The following RALB variants were observed in gnomAD, a reference collection of about 807,000 sequenced individuals.
RALB encodes the protein RAS like proto-oncogene B.
In RALB, 16 loss-of-function variants were observed where a neutral mutation model predicts 21.3. The observed-to-expected ratio is 0.75, with a 90% CI of 0.51 to 1.14. RALB has a LOEUF of 1.14. RALB is among the 50% of genes most tolerant of loss of function. The probability of loss-of-function intolerance (pLI) is 0.00; values close to 1 mark genes in which losing one functional copy is unlikely to be tolerated. For synonymous variants in RALB, 93 were observed against 96.1 expected, an observed-to-expected ratio of 0.97 and a Z score of 0.19; for missense variants, 161 against 256.2, an observed-to-expected ratio of 0.63 and a Z score of 2.54.
chr2:120,256,647 C>T (rs149421085), intron 1 of RALB, among the ~76,000 whole-genome samples: 5,031 of 152,248 alleles, frequency 0.033, 120 homozygotes, highest in Non-Finnish European at 0.05. Flanking sequence ...CCCAGCCCTG[C>T]GGAACTGTGA....
intron 1 of RALB, among the ~76,000 whole-genome samples, chr2:120,272,987 C>G (rs1446000252): frequency 6.6e-6 from 1 of 152,208 alleles, no homozygotes. Context: ...ACAGTGGACT[C>G]TTTGTGGCTT....
At chr2:120,267,954 G>A (rs1427030868) in intron 1 of RALB, among the ~76,000 whole-genome samples, 1 of 152,078 alleles carries the variant, frequency 6.6e-6, no homozygotes, top group Non-Finnish European at 1.5e-5. Flanking sequence ...ACCATGCCCA[G>A]CTAATTTTTG....
chr2:120,245,891 C>T (rs1204997167), intron 1 of RALB, among the ~76,000 whole-genome samples: 1 of 152,182 alleles, frequency 6.6e-6, no homozygotes, highest in Non-Finnish European at 1.5e-5. Flanking sequence ...TCTTCTTAGC[C>T]ATGGTAAAAA....
chr2:120,277,645 A>G (rs990471798), intron 1 of RALB, among the ~76,000 whole-genome samples: 1 of 142,682 alleles, frequency 7.0e-6, no homozygotes, highest in East Asian at 2.0e-4. Context: ...CATGAGCACA[A>G]ATTTGAAAGT....
upstream of RALB, among the ~76,000 whole-genome samples, chr2:120,251,525 C>A (rs1444527552): frequency 6.6e-6 from 1 of 152,220 alleles, no homozygotes; most frequent in African/African-American, 2.4e-5. Context: ...AATTAAGTAA[C>A]TGCTAGTCAC....
chr2:120,288,411 C>G (rs1172473975), intron 3 of RALB, among the ~76,000 whole-genome samples: 1 of 127,438 alleles, frequency 7.8e-6, no homozygotes, highest in Admixed American at 9.6e-5. Flanking sequence ...TCTTGAACTC[C>G]TGGGCTCAAG....
chr2:120,292,342 T>A (rs1690324961), intron 4 of RALB, among the ~76,000 whole-genome samples: 2 of 152,132 alleles, frequency 1.3e-5, no homozygotes, highest in South Asian at 4.1e-4. Flanking sequence ...TTGTTGATGC[T>A]TTACGCCCTC....
At chr2:120,268,573 G>A (rs1035616380) in intron 1 of RALB, among the ~76,000 whole-genome samples, 6 of 152,186 alleles carry the variant, frequency 3.9e-5, no homozygotes, top group African/African-American at 1.4e-4. Flanking sequence ...GGACGGGAGT[G>A]TGTGTGGGGG....
At chr2:120,266,407 G>C (rs1215155370) in intron 1 of RALB, among the ~76,000 whole-genome samples, 1 of 152,192 alleles carries the variant, frequency 6.6e-6, no homozygotes, top group East Asian at 1.9e-4. Context: ...ACTACGCCCA[G>C]CTAATTTTTA....
At chr2:120,254,015 G>T (rs1216908093) in intron 1 of RALB, among the ~76,000 whole-genome samples, 2 of 152,128 alleles carry the variant, frequency 1.3e-5, no homozygotes, top group East Asian at 3.9e-4. Flanking sequence ...GCTCAGAACC[G>T]GTCAAGGCTC....
chr2:120,282,910 G>A (rs368602014), intron 2 of RALB, among the ~76,000 whole-genome samples: 1 of 152,132 alleles, frequency 6.6e-6, no homozygotes, highest in Non-Finnish European at 1.5e-5. Flanking sequence ...AATGTGGCTG[G>A]TGGCTACTAT....
At chr2:120,265,769 G>A (rs1164578701) in intron 1 of RALB, among the ~76,000 whole-genome samples, 1 of 86,690 alleles carries the variant, frequency 1.2e-5, no homozygotes, top group African/African-American at 5.3e-5. Context: ...TACTAGAGAT[G>A]CTATAGAAGT....
chr2:120,289,747 A>G lies in RALB; in HGVS notation c.491A>G (p.Asn164Ser). ...YVETSAKTRANVDKVFFDLMR... is the reference protein window; with the variant it reads ...YVETSAKTRASVDKVFFDLMR... ...GAGACGTCAGCGAAGACCCGGGCCAACGTGGACAAGGTAGGCGTGAATTCT... is the reference window on the plus strand; with the variant it reads ...GAGACGTCAGCGAAGACCCGGGCCAGCGTGGACAAGGTAGGCGTGAATTCT... The change falls in exon 4 of 5, where the codon AAC (asparagine) becomes AGC (serine). Residue 164 changes from asparagine to serine, a missense_variant. Physicochemically the swap from Asn to Ser is conservative, Grantham distance 46. Coordinates refer to ENST00000272519, the MANE Select transcript of RALB (RefSeq NM_002881.3). 7 of 1,607,662 alleles carry G rather than the reference A, an allele frequency of 4.4e-6. No homozygotes were observed. The highest frequency in any genetic ancestry group is 1.1e-5 in the South Asian group (1 of 90,196).
At chr2:120,274,910 T>C (rs1296304305) in intron 1 of RALB, among the ~76,000 whole-genome samples, 5 of 152,202 alleles carry the variant, frequency 3.3e-5, no homozygotes, top group African/African-American at 1.2e-4. Context: ...GAATTGCGAT[T>C]TGCTTGTGTT....
At chr2:120,247,254 G>C (rs928323271) in intron 1 of RALB, among the ~76,000 whole-genome samples, 1 of 152,204 alleles carries the variant, frequency 6.6e-6, no homozygotes, top group African/African-American at 2.4e-5. Flanking sequence ...TCACTTCTGG[G>C]AGATAACTCT....
chr2:120,287,978 A>G (rs1033860467), intron 3 of RALB, among the ~76,000 whole-genome samples: 1 of 152,246 alleles, frequency 6.6e-6, no homozygotes, highest in Non-Finnish European at 1.5e-5. Flanking sequence ...AAAGGCCCCA[A>G]TATAAAATGA....
At chr2:120,240,831 C>T (rs979156340) in intron 1 of RALB, among the ~76,000 whole-genome samples, 1 of 152,130 alleles carries the variant, frequency 6.6e-6, no homozygotes, top group South Asian at 2.1e-4. Flanking sequence ...TTCTGGGCAC[C>T]TGGGTGAGTG....
At chr2:120,264,541 G>GT (rs1484932793) in intron 1 of RALB, among the ~76,000 whole-genome samples, 1 of 88,230 alleles carries the variant, frequency 1.1e-5, no homozygotes, top group Non-Finnish European at 2.4e-5. Context: ...TCAAGGGTTT[G>GT]TTTTCCTGTC....
chr2:120,247,601 T>C (rs1239409347), intron 1 of RALB, among the ~76,000 whole-genome samples: 1 of 152,212 alleles, frequency 6.6e-6, no homozygotes, highest in African/African-American at 2.4e-5. Context: ...TGGCAATGAC[T>C]TACCACAGTT....
Sources: allele counts gnomAD v4.1 joint callset (sites outside exome capture counted in the v4.1 genomes callset), GRCh38; gene constraint gnomAD v4.1.1; transcripts MANE v1.5; gene names NCBI Gene and HGNC (gene_info 2026-07-23, HGNC 2026-07-21).